PDE3A: variants seen among roughly 807,000 people sequenced by gnomAD.
PDE3A encodes the protein cGMP-inhibited 3',5'-cyclic phosphodiesterase 3A.
In PDE3A, 43 loss-of-function variants were observed where a neutral mutation model predicts 98.3. That is an observed-to-expected ratio of 0.44 (90% CI 0.34 to 0.56). The LOEUF (loss-of-function observed/expected upper bound fraction) is 0.56, where lower values mean the gene tolerates loss of function less well. PDE3A is among the 20% of genes least tolerant of loss of function. The probability of loss-of-function intolerance (pLI) is 0.01; values close to 1 mark genes in which losing one functional copy is unlikely to be tolerated. For synonymous variants in PDE3A, 663 were observed against 567.9 expected (o/e 1.17, Z -2.38); for missense variants, 1,427 against 1,440.7 (o/e 0.99, Z 0.15).
chr12:20,538,205 T>C (rs1485841919), intron 1 of PDE3A, among the ~76,000 whole-genome samples: 2 of 152,120 alleles, frequency 1.3e-5, no homozygotes, highest in Non-Finnish European at 2.9e-5. Flanking sequence ...TGTGTTTAGA[T>C]TTGTATATGT....
intron 15 of PDE3A, among the ~76,000 whole-genome samples, chr12:20,662,744 G>A (rs887429559): frequency 1.3e-5 from 2 of 152,178 alleles, no homozygotes; most frequent in Non-Finnish European, 2.9e-5. Flanking sequence ...GAGGGAAGCT[G>A]AGCATAAAAA....
intron 1 of PDE3A, among the ~76,000 whole-genome samples, chr12:20,502,075 A>G (rs547699033): frequency 1.3e-5 from 2 of 152,318 alleles, no homozygotes; most frequent in Admixed American, 1.3e-4. Context: ...TAATAATCAC[A>G]TATATTTTGT....
At chr12:20,557,915 T>C (rs1177865996) in intron 2 of PDE3A, among the ~76,000 whole-genome samples, 1 of 152,144 alleles carries the variant, frequency 6.6e-6, no homozygotes, top group African/African-American at 2.4e-5. Context: ...GCAAGGTCAG[T>C]AATGAAGGGA....
chr12:20,510,617 A>G (rs895355575), intron 1 of PDE3A, among the ~76,000 whole-genome samples: 16 of 152,074 alleles, frequency 1.1e-4, no homozygotes, highest in African/African-American at 2.9e-4. Flanking sequence ...ATGAAACTAT[A>G]TATTGGAAAG....
intron 1 of PDE3A, among the ~76,000 whole-genome samples, chr12:20,371,907 A>G (rs556033485): frequency 3.3e-5 from 5 of 152,280 alleles, no homozygotes; most frequent in African/African-American, 1.2e-4. Flanking sequence ...CTATTCATTA[A>G]CTTATAGGGA....
Position 20,396,339 on chromosome 12 carries a change from T to C in PDE3A, c.960+26095T>C, listed in dbSNP as rs1334714196. 2.0e-5 allele frequency among the ~76,000 whole-genome samples: 3 copies of C among 152,136 alleles called. No individual in the cohort carries two copies. In the East Asian group the frequency reaches 5.8e-4, roughly 29 times the overall value. On this transcript the variant is annotated intron_variant, in intron 1 of 15. Coordinates refer to ENST00000359062, the MANE Select transcript of PDE3A (RefSeq NM_000921.5). ...TTTACTGGCATGATAAAGCTGGTCA[T>C]GTTGATGCCTTTATCGCCTAAGCTG...
chr12:20,660,121 G>A (rs1319406717), intron 15 of PDE3A, among the ~76,000 whole-genome samples: 1 of 152,084 alleles, frequency 6.6e-6, no homozygotes, highest in Admixed American at 6.5e-5. Context: ...ATGACAGTGA[G>A]TGACTTGTCA....
intron 1 of PDE3A, among the ~76,000 whole-genome samples, chr12:20,474,399 G>T (rs560515073): frequency 6.6e-6 from 1 of 152,234 alleles, no homozygotes; most frequent in Admixed American, 6.5e-5. Context: ...TCTTTAAAGT[G>T]ATTTTTAGGA....
chr12:20,538,854 C>T (rs558411638), intron 1 of PDE3A, among the ~76,000 whole-genome samples: 4 of 151,998 alleles, frequency 2.6e-5, no homozygotes, highest in Non-Finnish European at 5.9e-5. Context: ...CTACATTGTC[C>T]GGGCTGGTCT....
chr12:20,369,206 T>G lies in PDE3A; in HGVS notation c.-79T>G. The G allele has an allele frequency of 1.1e-6, 1 of 891,964 alleles. No homozygotes were observed. Among genetic ancestry groups the G allele is most frequent in the Non-Finnish European group, 1.7e-6 (1 of 598,756 alleles). The allele number at this position is 891,964 out of a possible 1,614,324, so 55.3% of individuals were successfully genotyped here. On this transcript the variant is annotated 5_prime_UTR_variant, in exon 1 of 16. Transcript: ENST00000359062. Reference sequence around the variant, plus strand: ...GCGTGCGTGCGTGTGTGTGTGTGTGTGTGTGCGCGCGCGCGCGTGGGTCGG... The same window carrying G: ...GCGTGCGTGCGTGTGTGTGTGTGTGGGTGTGCGCGCGCGCGCGTGGGTCGG...
Position 20,688,001 on chromosome 12 carries a change from C to A in PDE3A, c.*7730C>A, listed in dbSNP as rs1946025241. Among the ~76,000 whole-genome samples the A allele has an allele frequency of 6.7e-6, 1 of 148,974 alleles. No homozygotes were observed. Among genetic ancestry groups the A allele is most frequent in the Non-Finnish European group, 1.5e-5 (1 of 67,572 alleles). ...TTGACCTTGAAGGATATTTGTAAAC[C>A]AGAGAGTATTTAATTAACTAAATTT... On this transcript the variant is annotated 3_prime_UTR_variant, in exon 16 of 16. Transcript: ENST00000359062.
intron 1 of PDE3A, among the ~76,000 whole-genome samples, chr12:20,470,017 T>A (rs2120961919): frequency 6.6e-6 from 1 of 152,312 alleles, no homozygotes; most frequent in Non-Finnish European, 1.5e-5. Context: ...TTTTCTGAAT[T>A]TATTAATACT....
intron 8 of PDE3A, among the ~76,000 whole-genome samples, chr12:20,635,554 C>T (rs533232115): frequency 8.3e-5 from 12 of 144,896 alleles, no homozygotes; most frequent in South Asian, 2.2e-4. Context: ...CTCCAGCCTG[C>T]GCAATAGAGG....
chr12:20,488,168 C>T (rs1043121130), intron 1 of PDE3A, among the ~76,000 whole-genome samples: 1 of 152,074 alleles, frequency 6.6e-6, no homozygotes, highest in Non-Finnish European at 1.5e-5. Context: ...TTTTTACCTT[C>T]TTCCTCCCAG....
intron 2 of PDE3A, among the ~76,000 whole-genome samples, chr12:20,560,603 A>G (rs978202451): frequency 1.3e-5 from 2 of 152,208 alleles, no homozygotes; most frequent in Non-Finnish European, 2.9e-5. Flanking sequence ...GAAAGTTGGG[A>G]TTGCAGAAAG....
intron 2 of PDE3A, 56 bp downstream of exon 2, chr12:20,556,766 G>T (rs970840203): frequency 2.4e-6 from 3 of 1,253,370 alleles, no homozygotes; most frequent in Non-Finnish European, 1.2e-6. Context: ...TTTCAGCCAC[G>T]GGTTTTCTAA....
At chr12:20,620,167 G>A (rs925692121) in intron 4 of PDE3A, among the ~76,000 whole-genome samples, 1 of 151,936 alleles carries the variant, frequency 6.6e-6, no homozygotes, top group Non-Finnish European at 1.5e-5. Context: ...TTAATTATAA[G>A]CTTATATGGC....
In PDE3A at chr12:20,680,248, C is replaced by A; in HGVS notation, c.3403C>A (p.Pro1135Thr). ...AGGGAAACCAAGAGGCGAGGAGATA[C>A]CAACCCAAAAGCCAGACCAGTGACA... ...EKGKPRGEEI[P>T]TQKPDQ The change falls in exon 16 of 16, where the codon CCA (proline) becomes ACA (threonine). Residue 1135 changes from proline to threonine, a missense_variant. By Grantham distance (38) the Pro-to-Thr change is conservative. Coordinates refer to ENST00000359062, the MANE Select transcript of PDE3A (RefSeq NM_000921.5). The A allele has an allele frequency of 6.2e-7, 1 of 1,613,868 alleles. No homozygotes were observed. The highest frequency in any genetic ancestry group is 8.5e-7 in the Non-Finnish European group (1 of 1,179,882).
chr12:20,375,631 A>C (rs902321157), intron 1 of PDE3A, among the ~76,000 whole-genome samples: 1 of 151,942 alleles, frequency 6.6e-6, no homozygotes, highest in Non-Finnish European at 1.5e-5. Flanking sequence ...TGATCAATCA[A>C]CCTACCAGGT....
Sources: gnomAD v4.1 joint callset for allele counts (sites outside exome capture counted in the v4.1 genomes callset) on GRCh38, gnomAD v4.1.1 for gene constraint, MANE v1.5 for transcripts, NCBI Gene and HGNC (gene_info 2026-07-23, HGNC 2026-07-21) for gene names.